The following ZYG11B variants were observed in gnomAD, a reference collection of about 807,000 sequenced individuals.
The protein encoded by ZYG11B is protein zyg-11 homolog B.
A neutral mutation model predicts 82.4 loss-of-function variants in ZYG11B; 36 were observed. The observed-to-expected ratio is 0.44, with a 90% CI of 0.33 to 0.58. The LOEUF (loss-of-function observed/expected upper bound fraction) is 0.58, where lower values mean the gene tolerates loss of function less well. Ranked by LOEUF, ZYG11B falls within the 20% of genes least tolerant of loss-of-function variation. ZYG11B has a pLI of 0.02. For missense variants in ZYG11B, 552 were observed against 895.6 expected, an observed-to-expected ratio of 0.62 and a Z score of 4.90; for synonymous variants, 303 against 312.8, an observed-to-expected ratio of 0.97 and a Z score of 0.33.
intron 1 of ZYG11B, among the ~76,000 whole-genome samples, chr1:52,742,550 G>T (rs1297726577): frequency 6.6e-6 from 1 of 152,002 alleles, no homozygotes; most frequent in Non-Finnish European, 1.5e-5. Context: ...TACTTCAAGA[G>T]TCAAAAAGTA....
intron 1 of ZYG11B, among the ~76,000 whole-genome samples, chr1:52,738,064 TATAAACACTTGAA>T (rs1644392480): frequency 6.6e-6 from 1 of 152,260 alleles, no homozygotes; most frequent in Admixed American, 6.5e-5. Flanking sequence ...TATCCCTTTG[TATAAACACTTGAA>T]AGTCACTTGT....
At chr1:52,817,805 ATATATATATATTTT>A (rs1645245396) in intron 13 of ZYG11B, among the ~76,000 whole-genome samples, 1 of 40,424 alleles carries the variant, frequency 2.5e-5, no homozygotes, top group East Asian at 5.2e-4. Flanking sequence ...ATATATATAT[ATATATATATATTTT>A]TTTTTTTTTT....
intron 5 of ZYG11B, among the ~76,000 whole-genome samples, chr1:52,789,642 G>A (rs574505347): frequency 1.2e-4 from 19 of 152,164 alleles, no homozygotes; most frequent in Admixed American, 2.0e-4. Flanking sequence ...AAGCAGGCTC[G>A]TCTATATTTG....
Position 52,731,813 on chromosome 1 carries a change from T to G in ZYG11B, c.30+5130T>G, listed in dbSNP as rs1644334801. ...ACACTAATAGCTTTTATTTATTTAT[T>G]TATTTTTGAGACAGGATCTCACTCT... On this transcript the variant is annotated intron_variant, in intron 1 of 13. Coordinates refer to ENST00000294353, the MANE Select transcript of ZYG11B (RefSeq NM_024646.3). 2.0e-5 allele frequency among the ~76,000 whole-genome samples: 3 copies of G among 152,198 alleles called. No homozygotes were observed. In the South Asian group the frequency reaches 6.2e-4, roughly 31 times the overall value.
intron 10 of ZYG11B, among the ~76,000 whole-genome samples, chr1:52,810,374 G>C (rs1645172654): frequency 6.6e-6 from 1 of 152,146 alleles, no homozygotes; most frequent in South Asian, 2.1e-4. Context: ...GCTGAATAGA[G>C]TGGGACTCTA....
intron 8 of ZYG11B, among the ~76,000 whole-genome samples, chr1:52,798,555 T>C (rs1401170340): frequency 6.6e-6 from 1 of 151,344 alleles, no homozygotes; most frequent in East Asian, 2.0e-4. Flanking sequence ...AAGTTGCAGT[T>C]AGCCGTGATG....
At chr1:52,748,901 CAA>C (rs34089388) in intron 1 of ZYG11B, among the ~76,000 whole-genome samples, 139 of 120,708 alleles carry the variant, frequency 1.2e-3, no homozygotes, top group African/African-American at 1.7e-3. Flanking sequence ...GCTTCCATCT[CAA>C]AAAAAAAAAA....
At chr1:52,790,133 T>C (rs1644944493) in intron 6 of ZYG11B, 66 bp downstream of exon 6, 2 of 1,155,770 alleles carry the variant, frequency 1.7e-6, no homozygotes, top group African/African-American at 3.1e-5. Context: ...CTTGGGTCAT[T>C]TCTTACCATT....
At chr1:52,806,485 AT>A (rs1645142603) in intron 10 of ZYG11B, among the ~76,000 whole-genome samples, 1 of 152,118 alleles carries the variant, frequency 6.6e-6, no homozygotes, top group Non-Finnish European at 1.5e-5. Flanking sequence ...TTCTTCATGT[AT>A]TTTGAAACTG....
chr1:52,756,760 T>C, intron 2 of ZYG11B, 137 bp downstream of exon 2: 1 of 707,456 alleles, frequency 1.4e-6, no homozygotes, highest in East Asian at 2.9e-5. Flanking sequence ...GACTATGAAT[T>C]CATTTATTTT....
intron 2 of ZYG11B, among the ~76,000 whole-genome samples, chr1:52,756,868 A>G (rs1482205168): frequency 2.3e-5 from 3 of 133,272 alleles, no homozygotes; most frequent in Admixed American, 8.5e-5. Flanking sequence ...CCCAGGCTGG[A>G]GTGCAGTGGT....
intron 1 of ZYG11B, among the ~76,000 whole-genome samples, chr1:52,736,599 C>T (rs1048472056): frequency 6.6e-6 from 1 of 151,960 alleles, no homozygotes; most frequent in Non-Finnish European, 1.5e-5. Flanking sequence ...ATTACAGGCA[C>T]CTGCCACCAT....
At chr1:52,748,358 G>T (rs1289655120) in intron 1 of ZYG11B, among the ~76,000 whole-genome samples, 1 of 151,698 alleles carries the variant, frequency 6.6e-6, no homozygotes, top group Non-Finnish European at 1.5e-5. Flanking sequence ...ATCTTTCTGA[G>T]CCTCAGTTTA....
At chr1:52,754,745 T>C (rs1458220192) in intron 1 of ZYG11B, among the ~76,000 whole-genome samples, 1 of 152,206 alleles carries the variant, frequency 6.6e-6, no homozygotes, top group Non-Finnish European at 1.5e-5. Flanking sequence ...TTAATAGATA[T>C]ACATTGGTGT....
In ZYG11B at chr1:52,823,185, G is replaced by A. The variant is rs1645295530; in HGVS notation, c.*1556G>A. ...GTAGGCATTTAGGTCTGGATGCAGT[G>A]GCTCATGCTTGTAATCCCAGCACTT... On this transcript the variant is annotated 3_prime_UTR_variant, in exon 14 of 14. Transcript: ENST00000294353. 1 of 152,004 alleles carries A rather than the reference G, an allele frequency of 6.6e-6. No individual in the cohort carries two copies. The highest frequency in any genetic ancestry group is 1.5e-5 in the Non-Finnish European group (1 of 68,016). 9.4% of individuals were successfully genotyped at this position (152,004 alleles called of 1,614,324 possible).
intron 6 of ZYG11B, among the ~76,000 whole-genome samples, chr1:52,794,531 T>C (rs971454755): frequency 1.3e-5 from 2 of 152,190 alleles, no homozygotes. Context: ...CATAAAGGGC[T>C]AAATAGGATA....
intron 8 of ZYG11B, among the ~76,000 whole-genome samples, chr1:52,800,924 T>C (rs1181013329): frequency 6.6e-6 from 1 of 152,230 alleles, no homozygotes; most frequent in Non-Finnish European, 1.5e-5. Context: ...ATTATGTTCA[T>C]TAATGTTTTC....
intron 10 of ZYG11B, among the ~76,000 whole-genome samples, chr1:52,808,096 C>T (rs796433564): frequency 1.1e-4 from 16 of 152,296 alleles, no homozygotes; most frequent in African/African-American, 3.4e-4. Context: ...GACACGGTGG[C>T]TCACGCGTGG....
rs764253745 is a variant in ZYG11B, at chr1:52,803,239, TACACAC to T, written c.1695+1106_1695+1111del. Among the ~76,000 whole-genome samples the T allele has an allele frequency of 7.5e-3, 452 of 60,574 alleles. 27 individuals are homozygous for T. In the Middle Eastern group the frequency reaches 0.095, roughly 13 times the overall value. 39.7% of individuals were successfully genotyped at this position (60,574 alleles called of 152,430 possible). A position where few individuals can be genotyped will look rare whatever the true frequency, so the allele number is the denominator to read the frequency against. ...ATATATATATACACACATATATATA[TACACAC>T]ACACATATATATATATATATACACA... is the stretch of plus-strand genomic sequence containing the variant. On this transcript the variant is annotated intron_variant, in intron 10 of 13. Coordinates refer to ENST00000294353, the MANE Select transcript of ZYG11B (RefSeq NM_024646.3).
Sources: allele counts gnomAD v4.1 joint callset (sites outside exome capture counted in the v4.1 genomes callset), GRCh38; gene constraint gnomAD v4.1.1; transcripts MANE v1.5; gene names NCBI Gene and HGNC (gene_info 2026-07-23, HGNC 2026-07-21).